The following MYCBP2 variants were observed in gnomAD, a reference collection of about 807,000 sequenced individuals.
MYCBP2 encodes MYC binding protein 2.
A neutral mutation model predicts 525.3 loss-of-function variants in MYCBP2; 120 were observed. That is an observed-to-expected ratio of 0.23 (90% CI 0.20 to 0.27). The LOEUF is 0.27. MYCBP2 is among the 10% of genes least tolerant of loss of function. The pLI, the probability that MYCBP2 is intolerant of heterozygous loss-of-function variation, is 1.00. For missense variants in MYCBP2, 4,149 were observed against 5,657.1 expected, an observed-to-expected ratio of 0.73 and a Z score of 8.55; for synonymous variants, 1,894 against 1,955.8, an observed-to-expected ratio of 0.97 and a Z score of 0.83.
chr13:77,091,645 A>G (rs1003093930), intron 59 of MYCBP2, among the ~76,000 whole-genome samples: 8 of 152,246 alleles, frequency 5.3e-5, no homozygotes, highest in Non-Finnish European at 1.2e-4. Context: ...TTATTTCCAA[A>G]TATTTCCAGA....
rs1205227969 is a variant in MYCBP2 at position 77,081,261 on chromosome 13, T to C, written c.11418+166A>G. ...TGGAATTCCACAGTGCTCCCAATCA[T>C]ATTAATTTGTTTTTAGACTTAAGAT... On this transcript the variant is annotated intron_variant, in intron 65 of 82. Transcript: ENST00000544440. This position sits in a 1 kb window ranked among gnomAD's most constrained non-coding sequence, Gnocchi z 4.6. 4 of 622,482 alleles carry C rather than the reference T, an allele frequency of 6.4e-6. No individual in the cohort carries two copies. Among genetic ancestry groups the C allele is most frequent in the African/African-American group, 1.8e-5 (1 of 54,128 alleles). The allele number at this position is 622,482 out of a possible 1,614,324, so 38.6% of individuals were successfully genotyped here.
chr13:77,078,980 T>C, intron 65 of MYCBP2, 91 bp from the exon 66 acceptor site: 1 of 1,038,966 alleles, frequency 9.6e-7, no homozygotes, highest in South Asian at 1.3e-5. Flanking sequence ...CCACATCAAC[T>C]CTTCTGCCTG....
At chr13:77,253,121 A>T (rs1432470285) in intron 14 of MYCBP2, among the ~76,000 whole-genome samples, 5 of 152,068 alleles carry the variant, frequency 3.3e-5, no homozygotes, top group Non-Finnish European at 5.9e-5. Flanking sequence ...TTAGTCAAAG[A>T]TATATAAAAC....
rs200851216 is a variant in MYCBP2 at position 77,219,821 on chromosome 13, T to C, written c.2940-1864A>G. On this transcript the variant is annotated intron_variant, in intron 20 of 82. Coordinates refer to ENST00000544440, the MANE Select transcript of MYCBP2 (RefSeq NM_015057.5). ...TAGATACATACCGAGAGCAGGAGTT[T>C]TCAACTCAGATATAAAGGACTTCTA... 2.9e-4 allele frequency among the ~76,000 whole-genome samples: 44 copies of C among 152,218 alleles called. No homozygotes were observed. In the East Asian group the frequency reaches 5.0e-3, roughly 17 times the overall value.
intron 42 of MYCBP2, 25 bp downstream of exon 42, chr13:77,165,248 G>T: frequency 1.3e-6 from 2 of 1,529,074 alleles, no homozygotes; most frequent in Non-Finnish European, 9.0e-7. Flanking sequence ...TTCCTTAAAA[G>T]AATGAAAAGA....
intron 23 of MYCBP2, 76 bp downstream of exon 23, chr13:77,211,091 T>G (rs2063946801): frequency 5.0e-6 from 6 of 1,194,068 alleles, no homozygotes; most frequent in Non-Finnish European, 2.2e-6. Flanking sequence ...AGTCCACCTG[T>G]AAATAAAGTT....
chr13:77,106,639 A>G (rs1430228725), intron 55 of MYCBP2, among the ~76,000 whole-genome samples: 1 of 152,144 alleles, frequency 6.6e-6, no homozygotes, highest in Non-Finnish European at 1.5e-5. Context: ...TTAGTTCTCA[A>G]TCTTGAGGAG....
At chr13:77,260,672 A>T (rs1213371200) in intron 12 of MYCBP2, 80 bp from the exon 13 acceptor site, 15 of 1,239,348 alleles carry the variant, frequency 1.2e-5, no homozygotes, top group African/African-American at 1.6e-5. Flanking sequence ...AAGCTAAAAA[A>T]AAAACCCATA....
intron 82 of MYCBP2, among the ~76,000 whole-genome samples, chr13:77,046,898 C>T (rs1322205821): frequency 6.6e-6 from 1 of 152,152 alleles, no homozygotes; most frequent in Non-Finnish European, 1.5e-5. Flanking sequence ...GATTGGTGCC[C>T]ACCCCACCAG....
chr13:77,068,450 A>G, intron 70 of MYCBP2, 115 bp downstream of exon 70: 9 of 1,287,536 alleles, frequency 7.0e-6, no homozygotes, highest in Non-Finnish European at 7.3e-6. Context: ...AAATATAACA[A>G]AATACGAAAT....
chr13:77,280,818 T>C (rs2076114331), intron 3 of MYCBP2, among the ~76,000 whole-genome samples: 1 of 152,312 alleles, frequency 6.6e-6, no homozygotes, highest in Middle Eastern at 3.4e-3. Flanking sequence ...AGGGAACTCT[T>C]CATCTGTCTG....
intron 17 of MYCBP2, among the ~76,000 whole-genome samples, chr13:77,238,137 G>A (rs558506892): frequency 3.3e-5 from 5 of 151,714 alleles, no homozygotes; most frequent in South Asian, 4.2e-4. Context: ...CAGCTACTCG[G>A]GAGGCTGAGG....
rs1566510695 is a variant in MYCBP2 at position 77,098,040 on chromosome 13, G to C, written c.9114C>G (p.Phe3038Leu). ...CATGTACTATGCCTTCATGCCAGAG[G>C]AAGGAAGCAAACACAGCTCTGGCAC... ...AECARAVFAS[F>L]LWHEGIVHDA... Residue 3038 changes from phenylalanine to leucine, a missense_variant, in exon 56 of 83, where the codon TTC (phenylalanine) becomes TTG (leucine). Phe to Leu is a conservative substitution (Grantham distance 22). Transcript: ENST00000544440. The C allele has an allele frequency of 6.2e-7, 1 of 1,613,638 alleles. No homozygotes were observed.
chr13:77,292,231 A>G (rs1395844494), intron 2 of MYCBP2, among the ~76,000 whole-genome samples: 1 of 152,194 alleles, frequency 6.6e-6, no homozygotes, highest in Non-Finnish European at 1.5e-5. Context: ...CCTATGCCAT[A>G]ACTTCCTATA....
intron 2 of MYCBP2, among the ~76,000 whole-genome samples, chr13:77,294,109 T>TATATATAC (rs1555465540): frequency 0.058 from 3,060 of 52,388 alleles, 226 homozygotes; most frequent in East Asian, 0.23. Flanking sequence ...AATGGCTATA[T>TATATATAC]ATATATATAT....
chr13:77,061,534 G>C, intron 75 of MYCBP2, 128 bp downstream of exon 75: 1 of 1,102,454 alleles, frequency 9.1e-7, no homozygotes, highest in South Asian at 1.6e-5. Flanking sequence ...AAGCGAGACA[G>C]CTGTGAACTC....
At chr13:77,238,846 C>T (rs758106174) in intron 17 of MYCBP2, among the ~76,000 whole-genome samples, 6 of 152,088 alleles carry the variant, frequency 3.9e-5, no homozygotes, top group Non-Finnish European at 8.8e-5. Context: ...GAACTAGGGC[C>T]CAGGCCGAGC....
intron 18 of MYCBP2, among the ~76,000 whole-genome samples, chr13:77,228,463 T>G (rs2066627778): frequency 6.7e-6 from 1 of 150,122 alleles, no homozygotes; most frequent in Non-Finnish European, 1.5e-5. Context: ...GCCGTGATCA[T>G]GCCATTGCAC....
At chr13:77,059,712 G>GT (rs1193831939) in intron 76 of MYCBP2, 86 bp from the exon 77 acceptor site, 2 of 845,678 alleles carry the variant, frequency 2.4e-6, no homozygotes, top group Non-Finnish European at 3.9e-6. Context: ...AGCAAACTAG[G>GT]TTTGTATAAG....
Sources: gnomAD v4.1 joint callset for allele counts (sites outside exome capture counted in the v4.1 genomes callset) on GRCh38, gnomAD v4.1.1 for gene constraint, Gnocchi (gnomAD v3.1) non-coding constraint, MANE v1.5 for transcripts, NCBI Gene and HGNC (gene_info 2026-07-23, HGNC 2026-07-21) for gene names.